The following SPEF2 variants were observed in gnomAD, a reference collection of about 807,000 sequenced individuals.
The protein encoded by SPEF2 is sperm flagellar and cilia associated 2, also known as sperm flagella and cilia-associated protein 2.
SPEF2 carries 187 observed loss-of-function variants against 224.6 expected under a neutral mutation model. That is an observed-to-expected ratio of 0.83 (90% CI 0.74 to 0.94). The LOEUF is 0.94. Ranked by LOEUF, SPEF2 falls within the 40% of genes least tolerant of loss-of-function variation. SPEF2 has a pLI of 0.00. For synonymous variants in SPEF2, 715 were observed against 707.3 expected (o/e 1.01, Z -0.17); for missense variants, 2,170 against 2,135.6 (o/e 1.02, Z -0.32).
intron 23 of SPEF2, among the ~76,000 whole-genome samples, chr5:35,751,937 A>C (rs1157399249): frequency 1.3e-5 from 2 of 152,192 alleles, no homozygotes; most frequent in African/African-American, 4.8e-5. Flanking sequence ...ACCAGGGACC[A>C]GTTTCGTGGA....
chr5:35,659,291 T>C (rs2149448888), intron 8 of SPEF2, 84 bp downstream of exon 8: 1 of 1,325,982 alleles, frequency 7.5e-7, no homozygotes, highest in Non-Finnish European at 1.0e-6. Context: ...CTATATTTTG[T>C]TGCCAATCAT....
At chr5:35,675,731 G>A in intron 10 of SPEF2, 1 of 294,600 alleles carries the variant, frequency 3.4e-6, no homozygotes, top group Admixed American at 3.9e-5. Context: ...GTGTTAGCCA[G>A]GATTCTTATT....
Position 35,697,767 on chromosome 5 carries a change from T to G in SPEF2, c.2115T>G (p.Leu705=). ...GAAAGAGCATTCCTGATGTGCTGCT[T>G]GTTGACATCATAGTAAATGCTATTA... The part of the protein sequence containing the change: ...KKGKSIPDVL[L]VDIIVNAINE... Residue 705 remains leucine, a synonymous_variant, in exon 15 of 37, where the codon CTT becomes CTG. Transcript: ENST00000356031. The G allele has an allele frequency of 6.2e-7, 1 of 1,613,154 alleles. No homozygotes were observed. The highest frequency in any genetic ancestry group is 8.5e-7 in the Non-Finnish European group (1 of 1,179,492).
intron 20 of SPEF2, among the ~76,000 whole-genome samples, chr5:35,722,045 G>T (rs753240915): frequency 5.9e-5 from 9 of 152,076 alleles, no homozygotes; most frequent in Admixed American, 1.3e-4. Context: ...CTAGTAAAGG[G>T]GGGTAAAAAC....
At chr5:35,709,720 A>G (rs1740719085) in intron 19 of SPEF2, 2 of 985,410 alleles carry the variant, frequency 2.0e-6, no homozygotes, top group South Asian at 4.7e-5. Context: ...CTTAACCGCT[A>G]TGGACCATAA....
chr5:35,806,475 C>T (rs1327863230), intron 34 of SPEF2, among the ~76,000 whole-genome samples: 2 of 152,214 alleles, frequency 1.3e-5, no homozygotes, highest in East Asian at 3.8e-4. Flanking sequence ...TTGTGTAGGA[C>T]ACACCCCACA....
At chr5:35,778,916 T>A (rs1241410437) in intron 29 of SPEF2, among the ~76,000 whole-genome samples, 1 of 152,180 alleles carries the variant, frequency 6.6e-6, no homozygotes, top group Non-Finnish European at 1.5e-5. Flanking sequence ...AAGCATGCAT[T>A]TTCTATTTAA....
At chr5:35,739,670 C>T (rs192224415) in intron 21 of SPEF2, among the ~76,000 whole-genome samples, 50 of 152,256 alleles carry the variant, frequency 3.3e-4, no homozygotes, top group Non-Finnish European at 4.4e-5. Flanking sequence ...CATGAGCCAC[C>T]ACCACGACCG....
chr5:35,725,359 T>C (rs1744452253), intron 20 of SPEF2, among the ~76,000 whole-genome samples: 1 of 152,176 alleles, frequency 6.6e-6, no homozygotes, highest in Admixed American at 6.5e-5. Flanking sequence ...AAGCTGTTAA[T>C]TAATTTAAGT....
chr5:35,695,673 A>G, intron 13 of SPEF2, 62 bp from the exon 14 acceptor site: 1 of 1,345,712 alleles, frequency 7.4e-7, no homozygotes, highest in Non-Finnish European at 1.0e-6. Context: ...ATGGTCAAAT[A>G]CTGCTTTGGT....
rs368018509 is a variant in SPEF2 at position 35,763,563 on chromosome 5, T to C, written c.3662T>C (p.Val1221Ala). Reference sequence around the variant, plus strand: ...CGAATATCCATTTCTCTGGAAACAGTTACACCCAAACCAAAAACAAAATCA... The same window carrying C: ...CGAATATCCATTTCTCTGGAAACAGCTACACCCAAACCAAAAACAAAATCA... ...VPRISISLET[V>A]TPKPKTKSVL... is the part of the protein sequence containing the mutation. The change falls in exon 26 of 37, where the codon GTT becomes GCT. Residue 1221 changes from valine (V) to alanine (A), a missense_variant. Val to Ala is a moderately conservative substitution (Grantham distance 64, BLOSUM62 0). Transcript: ENST00000356031. 1.9e-5 allele frequency: 31 copies of C among 1,611,998 alleles called. No individual in the cohort carries two copies. Among genetic ancestry groups the C allele is most frequent in the Non-Finnish European group, 2.4e-5 (28 of 1,179,400 alleles).
intron 21 of SPEF2, among the ~76,000 whole-genome samples, chr5:35,738,919 A>G (rs191092630): frequency 6.6e-5 from 10 of 152,232 alleles, no homozygotes; most frequent in South Asian, 2.1e-4. Flanking sequence ...TAAAGCATCA[A>G]TGATTTCACC....
rs367950387 is a variant in SPEF2 at position 35,740,284 on chromosome 5, C to T, written c.3330+17C>T. ...CGAGTGAATGTAAGGAAATAGTGACCTATTGGGACAGGGTTAGCTGGCTTT... is the reference window on the plus strand; with the variant it reads ...CGAGTGAATGTAAGGAAATAGTGACTTATTGGGACAGGGTTAGCTGGCTTT... On this transcript the variant is annotated intron_variant, in intron 23 of 36. Coordinates refer to ENST00000356031, the MANE Select transcript of SPEF2 (RefSeq NM_024867.4). 6 of 1,613,252 alleles carry T rather than the reference C, an allele frequency of 3.7e-6. No individual in the cohort carries two copies. The African/African-American group carries it at 8.0e-5, about 22-fold the overall frequency.
chr5:35,657,661 A>G (rs1003618429), intron 7 of SPEF2, among the ~76,000 whole-genome samples: 1 of 152,118 alleles, frequency 6.6e-6, no homozygotes, highest in Non-Finnish European at 1.5e-5. Flanking sequence ...GGAGAGGACC[A>G]GGTCTGAAGG....
chr5:35,811,008 C>T (rs966983286), intron 36 of SPEF2, among the ~76,000 whole-genome samples: 20 of 151,908 alleles, frequency 1.3e-4, no homozygotes, highest in African/African-American at 4.4e-4. Context: ...AGAGTTGTGC[C>T]TGTGTCCTGA....
At chr5:35,686,738 ACT>A (rs1490235337) in intron 10 of SPEF2, among the ~76,000 whole-genome samples, 1 of 151,916 alleles carries the variant, frequency 6.6e-6, no homozygotes, top group Non-Finnish European at 1.5e-5. Context: ...TTCTTTATAA[ACT>A]CATTGGCCAT....
intron 34 of SPEF2, among the ~76,000 whole-genome samples, chr5:35,801,549 G>A (rs1757427427): frequency 6.6e-6 from 1 of 152,112 alleles, no homozygotes; most frequent in South Asian, 2.1e-4. Flanking sequence ...TGAGGAGTTA[G>A]GTATGATGTG....
chr5:35,738,961 A>T (rs1020752615), intron 21 of SPEF2, among the ~76,000 whole-genome samples: 5 of 151,968 alleles, frequency 3.3e-5, no homozygotes, highest in African/African-American at 1.2e-4. Context: ...CAGCAATTTG[A>T]TGTTTGTTCT....
chr5:35,808,057 C>T (rs1758285798), intron 36 of SPEF2: 1 of 1,084,690 alleles, frequency 9.2e-7, no homozygotes, highest in Middle Eastern at 4.2e-4. Flanking sequence ...GATTGTGTAT[C>T]TTGACTTCTC....
Sources: allele counts gnomAD v4.1 joint callset (sites outside exome capture counted in the v4.1 genomes callset), GRCh38; gene constraint gnomAD v4.1.1; transcripts MANE v1.5; gene names NCBI Gene and HGNC (gene_info 2026-07-23, HGNC 2026-07-21).